The following KCNK13 variants were observed in gnomAD, a reference collection of about 807,000 sequenced individuals.
KCNK13 encodes the protein potassium channel subfamily K member 13.
In KCNK13, 12 loss-of-function variants were observed where a neutral mutation model predicts 23.4. The ratio of observed to expected loss-of-function variants is 0.51; its 90% CI spans 0.33 to 0.83. The LOEUF is 0.83. Among genes scored for constraint, KCNK13 ranks in the 40% least tolerant of loss-of-function variants. The pLI, the probability that KCNK13 is intolerant of heterozygous loss-of-function variation, is 0.02. For synonymous variants in KCNK13, 231 were observed against 229.5 expected, an observed-to-expected ratio of 1.01 and a Z score of -0.06; for missense variants, 463 against 556.3, an observed-to-expected ratio of 0.83 and a Z score of 1.69.
chr14:90,123,965 G>C (rs894748480), intron 1 of KCNK13, among the ~76,000 whole-genome samples: 1 of 152,068 alleles, frequency 6.6e-6, no homozygotes, highest in Non-Finnish European at 1.5e-5. Flanking sequence ...GTCTCTGAGG[G>C]GCCTTGGCAT....
intron 1 of KCNK13, among the ~76,000 whole-genome samples, chr14:90,127,575 G>A (rs1439598129): frequency 1.3e-5 from 2 of 150,552 alleles, no homozygotes; most frequent in African/African-American, 4.9e-5. Context: ...CACTTTGGGA[G>A]GCTGAGGCAG....
At chr14:90,100,882 C>T (rs1384208473) in intron 1 of KCNK13, among the ~76,000 whole-genome samples, 1 of 151,756 alleles carries the variant, frequency 6.6e-6, no homozygotes, top group Non-Finnish European at 1.5e-5. Context: ...TTTGTAGAGA[C>T]AGAGTTTCAC....
At chr14:90,065,590 C>T (rs535027281) in intron 1 of KCNK13, among the ~76,000 whole-genome samples, 109 of 152,332 alleles carry the variant, frequency 7.2e-4, no homozygotes, top group African/African-American at 1.3e-3. Context: ...GGAAGCAAAG[C>T]AAAGCTCTTG....
At chr14:90,159,931 T>C (rs1432031487) in intron 1 of KCNK13, among the ~76,000 whole-genome samples, 2 of 130,106 alleles carry the variant, frequency 1.5e-5, no homozygotes, top group Admixed American at 1.7e-4. Context: ...TTCTTAATAA[T>C]CGTGTGTGTG....
intron 1 of KCNK13, among the ~76,000 whole-genome samples, chr14:90,175,509 T>G (rs1356738135): frequency 6.6e-6 from 1 of 152,192 alleles, no homozygotes; most frequent in African/African-American, 2.4e-5. Flanking sequence ...GAACCTCCAT[T>G]AAATTCCACA....
chr14:90,103,114 C>A (rs954644615), intron 1 of KCNK13, among the ~76,000 whole-genome samples: 1 of 152,118 alleles, frequency 6.6e-6, no homozygotes, highest in African/African-American at 2.4e-5. Flanking sequence ...ATAATTTTGT[C>A]CTTTTTTAAG....
At chr14:90,141,800 G>GGGA (rs1034225381) in intron 1 of KCNK13, among the ~76,000 whole-genome samples, 1 of 148,650 alleles carries the variant, frequency 6.7e-6, no homozygotes, top group East Asian at 2.0e-4. Flanking sequence ...TTTTTGGGGG[G>GGGA]GGGGACGGAG....
chr14:90,128,523 C>T (rs1889829609), intron 1 of KCNK13, among the ~76,000 whole-genome samples: 3 of 152,052 alleles, frequency 2.0e-5, no homozygotes, highest in Non-Finnish European at 4.4e-5. Context: ...AATGCATATC[C>T]CAAACAAGCA....
At chr14:90,077,824 G>A (rs935520791) in intron 1 of KCNK13, among the ~76,000 whole-genome samples, 2 of 151,960 alleles carry the variant, frequency 1.3e-5, no homozygotes, top group Admixed American at 6.6e-5. Flanking sequence ...AATCTTGCTC[G>A]CTTGTGGGGT....
chr14:90,121,350 T>TG (rs1466774168), intron 1 of KCNK13, among the ~76,000 whole-genome samples: 1 of 152,214 alleles, frequency 6.6e-6, no homozygotes, highest in Non-Finnish European at 1.5e-5. Context: ...TTTGCCTCCC[T>TG]GTAAGCACCG....
chr14:90,144,803 C>T (rs1395474650), intron 1 of KCNK13, among the ~76,000 whole-genome samples: 1 of 152,016 alleles, frequency 6.6e-6, no homozygotes, highest in Non-Finnish European at 1.5e-5. Flanking sequence ...TTTTTCTTGC[C>T]TGATTGCACT....
intron 1 of KCNK13, among the ~76,000 whole-genome samples, chr14:90,104,288 G>T (rs1025101812): frequency 1.3e-5 from 2 of 152,136 alleles, no homozygotes; most frequent in Non-Finnish European, 2.9e-5. Flanking sequence ...CTGCATTCTT[G>T]TTGGGTGTCA....
chr14:90,183,813 TC>T (rs1165328878), intron 1 of KCNK13, among the ~76,000 whole-genome samples: 1 of 152,158 alleles, frequency 6.6e-6, no homozygotes, highest in Non-Finnish European at 1.5e-5. Flanking sequence ...GAGGCTGAAA[TC>T]CAGCCCACAT....
At chr14:90,179,028 G>T (rs1890456258) in intron 1 of KCNK13, among the ~76,000 whole-genome samples, 1 of 152,170 alleles carries the variant, frequency 6.6e-6, no homozygotes, top group Non-Finnish European at 1.5e-5. Flanking sequence ...AATATGGACT[G>T]GGTATTATTT....
At chr14:90,178,246 A>AC (rs1398099465) in intron 1 of KCNK13, among the ~76,000 whole-genome samples, 1 of 150,882 alleles carries the variant, frequency 6.6e-6, no homozygotes, top group Non-Finnish European at 1.5e-5. Context: ...AAAAAAAAAA[A>AC]AAAAAAAAAA....
At chr14:90,119,298 C>T (rs1889710457) in intron 1 of KCNK13, among the ~76,000 whole-genome samples, 2 of 152,114 alleles carry the variant, frequency 1.3e-5, no homozygotes, top group South Asian at 4.1e-4. Flanking sequence ...TTCTATGAGG[C>T]CGGGGTCATT....
At chr14:90,134,325 A>T (rs1889909854) in intron 1 of KCNK13, among the ~76,000 whole-genome samples, 1 of 152,212 alleles carries the variant, frequency 6.6e-6, no homozygotes, top group Non-Finnish European at 1.5e-5. Context: ...TTCATGTCCA[A>T]GTGGTAGAAA....
intron 1 of KCNK13, among the ~76,000 whole-genome samples, chr14:90,143,817 T>C (rs1232326024): frequency 6.6e-6 from 1 of 152,166 alleles, no homozygotes; most frequent in Non-Finnish European, 1.5e-5. Flanking sequence ...TCCAGCATGG[T>C]GTTTGCCTTA....
chr14:90,139,691 G>A (rs1889980952), intron 1 of KCNK13, among the ~76,000 whole-genome samples: 2 of 152,202 alleles, frequency 1.3e-5, no homozygotes, highest in South Asian at 4.1e-4. Flanking sequence ...GCTGGGTGCG[G>A]TGTCTCATAC....
Sources: gnomAD v4.1 joint callset for allele counts (sites outside exome capture counted in the v4.1 genomes callset) on GRCh38, gnomAD v4.1.1 for gene constraint, MANE v1.5 for transcripts, NCBI Gene and HGNC (gene_info 2026-07-23, HGNC 2026-07-21) for gene names.